RHOBTB1: variants seen among roughly 807,000 people sequenced by gnomAD.
The protein encoded by RHOBTB1 is Rho related BTB domain containing 1.
RHOBTB1 carries 40 observed loss-of-function variants against 71.6 expected under a neutral mutation model. That is an observed-to-expected ratio of 0.56 (90% CI 0.43 to 0.73). The LOEUF is 0.73. RHOBTB1 is among the 30% of genes least tolerant of loss of function. The pLI is 0.00. For missense variants in RHOBTB1, 797 were observed against 894.0 expected (o/e 0.89, Z 1.38); for synonymous variants, 319 against 334.9 (o/e 0.95, Z 0.52).
intron 2 of RHOBTB1, among the ~76,000 whole-genome samples, chr10:60,968,149 T>C (rs553516310): frequency 6.6e-6 from 1 of 152,084 alleles, no homozygotes. Context: ...CCAATTCAAA[T>C]GTAGCTCCAT....
Position 60,870,267 on chromosome 10 carries a change from G to A in RHOBTB1, c.*1215C>T, listed in dbSNP as rs1022650191. 3 of 152,574 alleles carry A rather than the reference G, an allele frequency of 2.0e-5. No individual in the cohort carries two copies. Among genetic ancestry groups the A allele is most frequent in the Non-Finnish European group, 2.9e-5 (2 of 68,046 alleles). The allele number at this position is 152,574 out of a possible 1,614,324, so 9.5% of individuals were successfully genotyped here. A position where few individuals can be genotyped will look rare whatever the true frequency, so the allele number is the denominator to read the frequency against. Reference sequence around the variant, plus strand: ...ACTCAGAATGAGAAAGAGTCAGAACGAACTCACAATAGCACCATTTCCTAG... The same window carrying A: ...ACTCAGAATGAGAAAGAGTCAGAACAAACTCACAATAGCACCATTTCCTAG... On this transcript the variant is annotated 3_prime_UTR_variant, in exon 11 of 11. Transcript: ENST00000337910.
chr10:60,928,670 A>G (rs1237583864), intron 2 of RHOBTB1, among the ~76,000 whole-genome samples: 1 of 152,096 alleles, frequency 6.6e-6, no homozygotes, highest in Non-Finnish European at 1.5e-5. Context: ...TAGTGGGTAA[A>G]AAATACAGTT....
downstream of RHOBTB1, among the ~76,000 whole-genome samples, chr10:60,865,017 A>G (rs2080630717): frequency 6.6e-6 from 1 of 152,144 alleles, no homozygotes; most frequent in African/African-American, 2.4e-5. Flanking sequence ...AAGAAATCTC[A>G]GGTGTATAAA....
At position 60,975,233 on chromosome 10, in the gene RHOBTB1, G is replaced by A. The variant is rs147027250; in HGVS notation, c.-62+10612C>T. On this transcript the variant is annotated intron_variant, in intron 2 of 11. Coordinates refer to the RHOBTB1 transcript ENST00000357917. ...AAGTTAGTCTGGGTTCAGAATCAGGGGAATTCGTCAGAATGTGTAAATGGC... is the reference window on the plus strand; with the variant it reads ...AAGTTAGTCTGGGTTCAGAATCAGGAGAATTCGTCAGAATGTGTAAATGGC... Among the ~76,000 whole-genome samples, 767 of 152,096 alleles carry A rather than the reference G, an allele frequency of 5.0e-3. 6 individuals are homozygous for A. Among genetic ancestry groups the A allele is most frequent in the Non-Finnish European group, 8.3e-3 (566 of 67,938 alleles).
downstream of RHOBTB1, among the ~76,000 whole-genome samples, chr10:60,868,295 C>T (rs558873017): frequency 3.9e-5 from 6 of 152,024 alleles, no homozygotes; most frequent in African/African-American, 1.4e-4. Context: ...ATCTCTCTAT[C>T]TATCTATCAT....
intron 2 of RHOBTB1, among the ~76,000 whole-genome samples, chr10:60,929,735 T>G (rs2084120660): frequency 1.3e-5 from 2 of 152,232 alleles, no homozygotes; most frequent in African/African-American, 4.8e-5. Flanking sequence ...GAAGAAAACT[T>G]TTTAAGTATA....
chr10:60,988,341 C>T (rs914835066), intron 1 of RHOBTB1, among the ~76,000 whole-genome samples: 1 of 152,216 alleles, frequency 6.6e-6, no homozygotes, highest in East Asian at 1.9e-4. Context: ...TCAAGGGATA[C>T]ATGTGCAGGT....
At chr10:60,898,284 C>T (rs563025552) in intron 4 of RHOBTB1, among the ~76,000 whole-genome samples, 15 of 152,228 alleles carry the variant, frequency 9.9e-5, no homozygotes, top group Admixed American at 9.8e-4. Context: ...GCTTCTTTTT[C>T]CCTGCTGGTA....
intron 4 of RHOBTB1, among the ~76,000 whole-genome samples, chr10:60,909,603 A>G (rs1471236937): frequency 2.0e-5 from 3 of 152,238 alleles, no homozygotes; most frequent in African/African-American, 7.2e-5. Flanking sequence ...AAGCAGGTTC[A>G]TTTATAATTG....
At position 60,911,489 on chromosome 10, in the gene RHOBTB1, C is replaced by G. The variant is rs760315476; in HGVS notation, c.54G>C (p.Val18=). The G allele has an allele frequency of 6.2e-7, 1 of 1,614,202 alleles. No individual in the cohort carries two copies. Among genetic ancestry groups the G allele is most frequent in the Non-Finnish European group, 8.5e-7 (1 of 1,180,044 alleles). The part of the protein sequence containing the change: ...ERPNVETIKC[V]VVGDNAVGKT... ...TCCCCACGGCATTGTCACCCACGAC[C>G]ACACATTTGATAGTTTCAACGTTGG... The change falls in exon 3 of 11, where the codon GTG becomes GTC. Residue 18 remains valine, a synonymous_variant. Transcript: ENST00000337910.
At chr10:60,998,094 G>C (rs115370809) in intron 1 of RHOBTB1, among the ~76,000 whole-genome samples, 18 of 152,240 alleles carry the variant, frequency 1.2e-4, no homozygotes, top group African/African-American at 3.4e-4. Context: ...AAAATATGGG[G>C]TTGTACTAGG....
chr10:60,941,096 T>C (rs2084878899), intron 2 of RHOBTB1, among the ~76,000 whole-genome samples: 1 of 152,214 alleles, frequency 6.6e-6, no homozygotes, highest in African/African-American at 2.4e-5. Flanking sequence ...CCATTGTTAT[T>C]ATATGTGCTA....
chr10:60,953,271 TG>T (rs1447745464), intron 2 of RHOBTB1, among the ~76,000 whole-genome samples: 1 of 152,148 alleles, frequency 6.6e-6, no homozygotes, highest in Non-Finnish European at 1.5e-5. Flanking sequence ...ATCTATCCAG[TG>T]GGGGAATAAG....
chr10:60,881,702 T>C (rs1564776157), intron 7 of RHOBTB1, among the ~76,000 whole-genome samples: 1 of 152,358 alleles, frequency 6.6e-6, no homozygotes, highest in Admixed American at 6.5e-5. Flanking sequence ...AATCTTCAGA[T>C]TACCTTAGCG....
At chr10:60,900,627 A>T (rs1384681167) in intron 4 of RHOBTB1, among the ~76,000 whole-genome samples, 1 of 152,138 alleles carries the variant, frequency 6.6e-6, no homozygotes, top group Admixed American at 6.5e-5. Context: ...CCCTCAATTA[A>T]TTTTTATTAA....
chr10:60,951,071 A>T (rs1467259237), intron 2 of RHOBTB1, among the ~76,000 whole-genome samples: 3 of 152,190 alleles, frequency 2.0e-5, no homozygotes, highest in Admixed American at 2.0e-4. Context: ...AATTTCCCCT[A>T]TGTTCATATC....
chr10:60,958,826 C>G (rs2085683043), intron 2 of RHOBTB1, among the ~76,000 whole-genome samples: 1 of 152,070 alleles, frequency 6.6e-6, no homozygotes, highest in Non-Finnish European at 1.5e-5. Context: ...GTCTCCAAAT[C>G]CTCAGCTCAA....
intron 2 of RHOBTB1, among the ~76,000 whole-genome samples, chr10:60,950,471 A>C (rs992874716): frequency 6.6e-6 from 1 of 152,188 alleles, no homozygotes; most frequent in African/African-American, 2.4e-5. Flanking sequence ...AACAAGTTTA[A>C]AAAACCAAAA....
rs971064767 is a variant in RHOBTB1, at chr10:60,952,116, G to T, written c.-61-10262C>A. 4.7e-5 allele frequency among the ~76,000 whole-genome samples: 7 copies of T among 148,880 alleles called. No homozygotes were observed. In the Admixed American group the frequency reaches 4.7e-4, roughly 10 times the overall value. ...GATAAAACTTTTATAAGATGAGTTA[G>T]TTATAATTTCTTTTAATCACTCATA... On this transcript the variant is annotated intron_variant, in intron 2 of 11. Coordinates refer to the RHOBTB1 transcript ENST00000357917.
Sources: gnomAD v4.1 joint callset for allele counts (sites outside exome capture counted in the v4.1 genomes callset) on GRCh38, gnomAD v4.1.1 for gene constraint, MANE v1.5 for transcripts, NCBI Gene and HGNC (gene_info 2026-07-23, HGNC 2026-07-21) for gene names.